The following CHD1L variants were observed in gnomAD, a reference collection of about 807,000 sequenced individuals.
CHD1L encodes chromodomain helicase DNA binding protein 1 like.
CHD1L carries 118 observed loss-of-function variants against 115.9 expected under a neutral mutation model. The ratio of observed to expected loss-of-function variants is 1.02; its 90% CI spans 0.88 to 1.19. The LOEUF is 1.19. Among genes scored for constraint, CHD1L ranks in the 50% most tolerant of loss-of-function variants. The pLI, the probability that CHD1L is intolerant of heterozygous loss-of-function variation, is 0.00. For missense variants in CHD1L, 1,179 were observed against 1,065.3 expected (o/e 1.11, Z -1.49); for synonymous variants, 411 against 387.1 (o/e 1.06, Z -0.72).
In CHD1L at chr1:147,284,427, A is replaced by T. The variant is rs781926264; in HGVS notation, c.1782A>T (p.Gln594His). The change falls in exon 16 of 23, where the codon CAA becomes CAT. Residue 594 changes from glutamine to histidine, a missense_variant. Physicochemically the swap from Gln to His is conservative, Grantham distance 24 (BLOSUM62 0). Transcript: ENST00000369258. ...PSKEDRKSFE[Q>H]LVNLQKTLLE... ...AGGAAGACAGAAAATCATTTGAACA[A>T]CTGGTAAACCTTCAGAAAACCCTTT... 6.8e-5 allele frequency: 109 copies of T among 1,612,508 alleles called. No homozygotes were observed. The highest frequency in any genetic ancestry group is 9.0e-5 in the Non-Finnish European group (106 of 1,179,286).
the CHD1L span, among the ~76,000 whole-genome samples, chr1:147,181,954 A>G: frequency 1.3e-5 from 2 of 152,202 alleles, no homozygotes; most frequent in African/African-American, 4.8e-5. Context: ...CTTGAAATTG[A>G]GACTTTAGTG....
At chr1:147,201,821 T>G in the CHD1L span, among the ~76,000 whole-genome samples, 1 of 152,196 alleles carries the variant, frequency 6.6e-6, no homozygotes, top group Non-Finnish European at 1.5e-5. Context: ...GTCAATAGTT[T>G]GTATTCTCAT....
At chr1:147,225,162 G>A in the CHD1L span, 1 of 1,522,586 alleles carries the variant, frequency 6.6e-7, no homozygotes, top group Non-Finnish European at 8.8e-7. Context: ...CTGTACAAGA[G>A]GTGTCTTGAG....
the CHD1L span, among the ~76,000 whole-genome samples, chr1:147,236,749 C>T: frequency 0.088 from 13,442 of 152,210 alleles, 672 homozygotes; most frequent in East Asian, 0.16. Context: ...CTCCTCTCTG[C>T]GGCTGGTTAT....
At chr1:147,275,043 GTTTT>G (rs781885254) in intron 12 of CHD1L, among the ~76,000 whole-genome samples, 5 of 152,114 alleles carry the variant, frequency 3.3e-5, no homozygotes, top group Non-Finnish European at 7.3e-5. Context: ...TCTAATCAAG[GTTTT>G]TAAGCAGAAG....
chr1:147,203,109 G>A, the CHD1L span, among the ~76,000 whole-genome samples: 1 of 41,476 alleles, frequency 2.4e-5, no homozygotes, highest in Non-Finnish European at 4.7e-5. Flanking sequence ...TAGACCAAAG[G>A]TTTCCTTTTT....
At chr1:147,203,366 G>T in the CHD1L span, 2 of 1,192,782 alleles carry the variant, frequency 1.7e-6, no homozygotes, top group Non-Finnish European at 2.5e-6. Context: ...CCCACTCTAA[G>T]TACAGTGACT....
the CHD1L span, among the ~76,000 whole-genome samples, chr1:147,182,446 A>G: frequency 6.6e-6 from 1 of 152,228 alleles, no homozygotes; most frequent in Non-Finnish European, 1.5e-5. Context: ...TCTCAGGACT[A>G]TCTACTTCCA....
At chr1:147,248,230 G>A (rs745633020) in intron 1 of CHD1L, among the ~76,000 whole-genome samples, 2 of 148,362 alleles carry the variant, frequency 1.3e-5, no homozygotes, top group Admixed American at 6.7e-5. Flanking sequence ...TCTTTGAGAC[G>A]GAGTTTCGCT....
At chr1:147,264,307 CT>C (rs1423673749) in intron 6 of CHD1L, 114 bp from the exon 7 acceptor site, 1 of 948,244 alleles carries the variant, frequency 1.1e-6, no homozygotes, top group Non-Finnish European at 1.6e-6. Flanking sequence ...TTCATGTCCC[CT>C]CAGTCATTTC....
At chr1:147,287,597 A>G in intron 18 of CHD1L, 38 bp from the exon 19 acceptor site, 1 of 1,495,878 alleles carries the variant, frequency 6.7e-7, no homozygotes. Flanking sequence ...ACTGGACTTC[A>G]CCTCCTATAG....
chr1:147,295,325 C>T (rs903336463), intron 22 of CHD1L, 106 bp from the exon 23 acceptor site: 8 of 753,988 alleles, frequency 1.1e-5, no homozygotes, highest in Admixed American at 4.5e-5. Flanking sequence ...AGAATTAAAG[C>T]ATACTACTTC....
chr1:147,227,003 A>AT, the CHD1L span, among the ~76,000 whole-genome samples: 3 of 151,864 alleles, frequency 2.0e-5, no homozygotes, highest in Middle Eastern at 0.01. Context: ...TAATTTTTGT[A>AT]TTTTTTGTAG....
the CHD1L span, among the ~76,000 whole-genome samples, chr1:147,181,692 T>A: frequency 1.3e-5 from 2 of 152,242 alleles, no homozygotes; most frequent in East Asian, 3.8e-4. Context: ...TCTTGTCATG[T>A]TTAGCTGTTT....
chr1:147,217,835 A>G, the CHD1L span, among the ~76,000 whole-genome samples: 2 of 152,120 alleles, frequency 1.3e-5, no homozygotes, highest in African/African-American at 2.4e-5. Context: ...GGATTCAAAG[A>G]CCTCCATAAT....
At chr1:147,283,261 T>C (rs1316155689) in intron 15 of CHD1L, among the ~76,000 whole-genome samples, 1 of 152,180 alleles carries the variant, frequency 6.6e-6, no homozygotes, top group Non-Finnish European at 1.5e-5. Flanking sequence ...GAATTACAGC[T>C]GGTTAGATTT....
At chr1:147,250,512 G>T (rs1553935920) in intron 1 of CHD1L, among the ~76,000 whole-genome samples, 1 of 152,062 alleles carries the variant, frequency 6.6e-6, no homozygotes, top group Non-Finnish European at 1.5e-5. Flanking sequence ...GGGAGTTGTG[G>T]CTCCCTCCTG....
At chr1:147,268,164 C>T (rs1298984539) in intron 9 of CHD1L, among the ~76,000 whole-genome samples, 3 of 152,142 alleles carry the variant, frequency 2.0e-5, no homozygotes, top group Non-Finnish European at 2.9e-5. Flanking sequence ...ATCATACAGA[C>T]CTCAGTAAAT....
intron 15 of CHD1L, 90 bp from the exon 16 acceptor site, chr1:147,284,261 C>T: frequency 9.4e-7 from 1 of 1,064,190 alleles, no homozygotes; most frequent in Non-Finnish European, 1.3e-6. Context: ...ATAGGCTGTT[C>T]TCCTGTCCAC....
Sources: gnomAD v4.1 joint callset for allele counts (sites outside exome capture counted in the v4.1 genomes callset) on GRCh38, gnomAD v4.1.1 for gene constraint, MANE v1.5 for transcripts, NCBI Gene and HGNC (gene_info 2026-07-23, HGNC 2026-07-21) for gene names.